Variants in PAX7 observed in about 807,000 individuals in gnomAD.
PAX7 encodes paired box 7, also known as paired box protein Pax-7.
A neutral mutation model predicts 50.7 loss-of-function variants in PAX7; 18 were observed. The ratio of observed to expected loss-of-function variants is 0.36; its 90% confidence interval spans 0.25 to 0.53. The LOEUF (loss-of-function observed/expected upper bound fraction) is 0.53, where lower values mean the gene tolerates loss of function less well. PAX7 is among the 20% of genes least tolerant of loss of function. The probability of loss-of-function intolerance (pLI) is 0.93; values close to 1 mark genes in which losing one functional copy is unlikely to be tolerated. For synonymous variants in PAX7, 310 were observed against 290.4 expected, an observed-to-expected ratio of 1.07 and a Z score of -0.69; for missense variants, 644 against 702.9, an observed-to-expected ratio of 0.92 and a Z score of 0.95.
rs2088123481 is a variant in PAX7, at chr1:18,634,993, G to T, written c.322-118G>T. The T allele has an allele frequency of 2.4e-6, 3 of 1,272,090 alleles. No homozygotes were observed. Among genetic ancestry groups the T allele is most frequent in the African/African-American group, 3.0e-5 (2 of 66,708 alleles). 78.8% of individuals were successfully genotyped at this position (1,272,090 alleles called of 1,614,324 possible). On this transcript the variant is annotated intron_variant, in intron 2 of 8. Coordinates refer to ENST00000420770, the MANE Select transcript of PAX7 (RefSeq NM_001135254.2). The surrounding 1 kb of genome is among the most constrained non-coding windows in gnomAD (Gnocchi z 4.0). ...AAGCCAATCTCTTGGGGGATGGGGGGACACAAGGTAACCAGAACCACCAGC... is the reference window on the plus strand; with the variant it reads ...AAGCCAATCTCTTGGGGGATGGGGGTACACAAGGTAACCAGAACCACCAGC...
intron 4 of PAX7, among the ~76,000 whole-genome samples, chr1:18,676,543 G>A (rs2088824580): frequency 6.6e-6 from 1 of 151,974 alleles, no homozygotes; most frequent in Non-Finnish European, 1.5e-5. Context: ...GGAAAGGAAG[G>A]ATAAGTCTTC....
chr1:18,722,817 T>C (rs1408750776), intron 7 of PAX7, among the ~76,000 whole-genome samples: 1 of 152,070 alleles, frequency 6.6e-6, no homozygotes, highest in African/African-American at 2.4e-5. Context: ...CCTGGGTAAA[T>C]AGGTATACCG....
chr1:18,735,887 C>G lies in PAX7; in HGVS notation c.1402+9C>G, dbSNP rs1048481004. On this transcript the variant is annotated intron_variant, in intron 8 of 8. Transcript: ENST00000420770. This position sits in a 1 kb window ranked among gnomAD's most constrained non-coding sequence, Gnocchi z 4.0. ...CGGCCAGTACGGCCAGAGTGAGTGCCTGGTGCCCTGGGCGTCCCCCGTCCC... is the reference window on the plus strand; with the variant it reads ...CGGCCAGTACGGCCAGAGTGAGTGCGTGGTGCCCTGGGCGTCCCCCGTCCC... The G allele has an allele frequency of 3.7e-6, 6 of 1,613,962 alleles. No homozygotes were observed. The African/African-American group carries it at 4.0e-5, about 11-fold the overall frequency.
chr1:18,708,795 C>G (rs2089314884), intron 7 of PAX7, among the ~76,000 whole-genome samples: 1 of 152,074 alleles, frequency 6.6e-6, no homozygotes, highest in Non-Finnish European at 1.5e-5. Context: ...TCTTCAGGAA[C>G]TCATAGTCTG....
At chr1:18,729,685 T>C (rs915560735) in intron 7 of PAX7, among the ~76,000 whole-genome samples, 1 of 151,678 alleles carries the variant, frequency 6.6e-6, no homozygotes, top group African/African-American at 2.4e-5. Context: ...TGTTGTGGAG[T>C]TGTGTGGATT....
At chr1:18,703,541 G>C (rs2089249783) in intron 7 of PAX7, among the ~76,000 whole-genome samples, 1 of 152,222 alleles carries the variant, frequency 6.6e-6, no homozygotes, top group Non-Finnish European at 1.5e-5. Flanking sequence ...ATGGGGTTCT[G>C]GGCCGGTAAC....
intron 7 of PAX7, among the ~76,000 whole-genome samples, chr1:18,716,287 G>T (rs1423681743): frequency 6.6e-6 from 1 of 152,144 alleles, no homozygotes; most frequent in Non-Finnish European, 1.5e-5. Flanking sequence ...GCGCACCTCG[G>T]CCTTGTCACT....
At chr1:18,669,420 T>C (rs949720535) in intron 4 of PAX7, among the ~76,000 whole-genome samples, 1 of 152,126 alleles carries the variant, frequency 6.6e-6, no homozygotes, top group Admixed American at 6.5e-5. Flanking sequence ...TGGCCACCCC[T>C]TCACCCCTTA....
At chr1:18,643,655 A>G (rs2088293319) in intron 4 of PAX7, among the ~76,000 whole-genome samples, 1 of 152,170 alleles carries the variant, frequency 6.6e-6, no homozygotes, top group African/African-American at 2.4e-5. Context: ...GGCAGCGGCT[A>G]GGGGAAGATA....
chr1:18,699,847 C>T (rs1325743156), intron 5 of PAX7, among the ~76,000 whole-genome samples: 2 of 152,074 alleles, frequency 1.3e-5, no homozygotes, highest in Non-Finnish European at 2.9e-5. Context: ...AGGTGTGAGC[C>T]GCTGCGCCCG....
intron 7 of PAX7, among the ~76,000 whole-genome samples, chr1:18,704,563 T>C (rs962883756): frequency 4.6e-5 from 7 of 152,130 alleles, no homozygotes; most frequent in Admixed American, 3.3e-4. Context: ...GAGGTTGCAG[T>C]GAGCCAAGAT....
rs188942094 is a variant in PAX7 at position 18,703,406 on chromosome 1, G to A, written c.1155+110G>A. 98 of 978,340 alleles carry A rather than the reference G, an allele frequency of 1.0e-4. No individual in the cohort carries two copies. In the African/African-American group the frequency reaches 1.3e-3, roughly 13 times the overall value. 60.6% of individuals were successfully genotyped at this position (978,340 alleles called of 1,614,324 possible). On this transcript the variant is annotated intron_variant, in intron 7 of 8. Coordinates refer to ENST00000420770, the MANE Select transcript of PAX7 (RefSeq NM_001135254.2). The stretch of plus-strand genomic sequence containing the variant: ...CTCTTTCCTGTAGCAGGCTGACTGC[G>A]GTTGGGGTTTTTGTTCTAGAATCAG...
chr1:18,711,716 A>C (rs1436385241), intron 7 of PAX7, among the ~76,000 whole-genome samples: 1 of 152,012 alleles, frequency 6.6e-6, no homozygotes, highest in Non-Finnish European at 1.5e-5. Flanking sequence ...GGGGAAAGCT[A>C]ACTGAGTCAT....
At chr1:18,704,164 A>C (rs992597927) in intron 7 of PAX7, among the ~76,000 whole-genome samples, 1 of 152,250 alleles carries the variant, frequency 6.6e-6, no homozygotes, top group African/African-American at 2.4e-5. Flanking sequence ...ATTACCTAAA[A>C]GGAGAATAGA....
intron 7 of PAX7, among the ~76,000 whole-genome samples, chr1:18,727,371 TACACACACACACAC>T (rs56258552): frequency 6.0e-5 from 8 of 133,992 alleles, no homozygotes; most frequent in African/African-American, 8.5e-5. Flanking sequence ...CTCTCTCTCA[TACACACACACACAC>T]ACACACACAC....
chr1:18,631,250 G>A lies in PAX7; in HGVS notation c.-354G>A. 2 of 250,706 alleles carry A rather than the reference G, an allele frequency of 8.0e-6. No individual in the cohort carries two copies. Among genetic ancestry groups the A allele is most frequent in the Non-Finnish European group, 1.5e-5 (2 of 130,154 alleles). 15.5% of individuals were successfully genotyped at this position (250,706 alleles called of 1,614,324 possible). A position where few individuals can be genotyped will look rare whatever the true frequency, so the allele number is the denominator to read the frequency against. On this transcript the variant is annotated 5_prime_UTR_variant, in exon 1 of 9. Coordinates refer to ENST00000420770, the MANE Select transcript of PAX7 (RefSeq NM_001135254.2). Reference sequence around the variant, plus strand: ...CGTTCCCCCGGCCCCCCTCCGCCGCGGGGCCTGGTCTCCGGGTTCTGCCAG... The same window carrying A: ...CGTTCCCCCGGCCCCCCTCCGCCGCAGGGCCTGGTCTCCGGGTTCTGCCAG...
intron 1 of PAX7, among the ~76,000 whole-genome samples, chr1:18,633,058 C>T (rs960012550): frequency 2.6e-5 from 4 of 152,138 alleles, no homozygotes; most frequent in Non-Finnish European, 5.9e-5. Context: ...TGGCATATCC[C>T]GCCACGGAGA....
intron 4 of PAX7, among the ~76,000 whole-genome samples, chr1:18,675,753 G>A (rs1216695302): frequency 6.6e-6 from 1 of 152,088 alleles, no homozygotes; most frequent in Non-Finnish European, 1.5e-5. Flanking sequence ...ACCTGTGTTC[G>A]ACCCCGATGT....
intron 4 of PAX7, among the ~76,000 whole-genome samples, chr1:18,653,135 G>A (rs1336221357): frequency 6.6e-6 from 1 of 151,988 alleles, no homozygotes; most frequent in East Asian, 1.9e-4. Context: ...CAGGGAAAGG[G>A]TTTCATCCTT....
Sources: allele counts gnomAD v4.1 joint callset (sites outside exome capture counted in the v4.1 genomes callset), GRCh38; gene constraint gnomAD v4.1.1; non-coding constraint Gnocchi (gnomAD v3.1); transcripts MANE v1.5; gene names NCBI Gene and HGNC (gene_info 2026-07-23, HGNC 2026-07-21).